MMD2: variants seen among roughly 807,000 people sequenced by gnomAD.
MMD2 encodes monocyte to macrophage differentiation factor 2.
Under a neutral mutation model 33.5 loss-of-function variants are expected in MMD2, and 30 were observed. The ratio of observed to expected loss-of-function variants is 0.90; its 90% CI spans 0.67 to 1.22. The LOEUF is 1.22. Ranked by LOEUF, MMD2 falls within the 50% of genes most tolerant of loss-of-function variation. MMD2 has a pLI of 0.00. For missense variants in MMD2, 364 were observed against 325.4 expected (o/e 1.12, Z -0.91); for synonymous variants, 129 against 123.0 (o/e 1.05, Z -0.32).
In MMD2 at chr7:4,940,007, G is replaced by A. The variant is rs113760480; in HGVS notation, c.48-14475C>T. 0.07 allele frequency among the ~76,000 whole-genome samples: 10,597 copies of A among 152,178 alleles called. 568 individuals are homozygous for A. Among genetic ancestry groups the A allele is most frequent in the African/African-American group, 0.13 (5,326 of 41,518 alleles). On this transcript the variant is annotated intron_variant, in intron 1 of 6. Transcript: ENST00000401401. This position sits in a 1 kb window ranked among gnomAD's most constrained non-coding sequence, Gnocchi z 5.0. ...TCCATCTGCCTTGGCCTCCCAAAGCGCTGGCATTACAGGCGTGAGCCACCG... is the reference window on the plus strand; with the variant it reads ...TCCATCTGCCTTGGCCTCCCAAAGCACTGGCATTACAGGCGTGAGCCACCG...
the MMD2 span, among the ~76,000 whole-genome samples, chr7:4,892,687 C>CT: frequency 2.0e-5 from 3 of 151,668 alleles, no homozygotes; most frequent in Admixed American, 6.6e-5. Context: ...GTGTTGATTT[C>CT]TAGGTGATAG....
the MMD2 span, among the ~76,000 whole-genome samples, chr7:4,894,569 C>T: frequency 2.6e-5 from 4 of 152,098 alleles, no homozygotes; most frequent in Non-Finnish European, 4.4e-5. The surrounding 1 kb of genome is among the most constrained non-coding windows in gnomAD (Gnocchi z 4.3). Context: ...GGCCAGGTAC[C>T]GGACATCTCA....
At chr7:4,958,828 G>T in intron 1 of MMD2, 143 bp downstream of exon 1, 1 of 706,892 alleles carries the variant, frequency 1.4e-6, no homozygotes, top group Non-Finnish European at 2.0e-6. Flanking sequence ...CTGGGTCCTG[G>T]TTTTCTCGGG....
chr7:4,921,075 G>A (rs1785271290), intron 2 of MMD2, among the ~76,000 whole-genome samples: 1 of 152,242 alleles, frequency 6.6e-6, no homozygotes, highest in South Asian at 2.1e-4. Context: ...GACAGTGCAG[G>A]TCTAGATCTT....
intron 1 of MMD2, among the ~76,000 whole-genome samples, chr7:4,936,383 G>T (rs1785742298): frequency 6.6e-6 from 1 of 152,140 alleles, no homozygotes; most frequent in South Asian, 2.1e-4. Context: ...CAGGGAGATT[G>T]GTGAGTTTGG....
At chr7:4,924,707 T>A (rs1444530479) in intron 2 of MMD2, among the ~76,000 whole-genome samples, 1 of 152,150 alleles carries the variant, frequency 6.6e-6, no homozygotes, top group Non-Finnish European at 1.5e-5. Flanking sequence ...TGGAAAGGGT[T>A]TCATAGGCAG....
the MMD2 span, among the ~76,000 whole-genome samples, chr7:4,897,227 TA>T: frequency 0.013 from 1,512 of 117,150 alleles, 18 homozygotes; most frequent in African/African-American, 0.031. Flanking sequence ...GTGTTATATT[TA>T]AAAAAAAAAA....
At chr7:4,951,388 C>T (rs73673225) in intron 1 of MMD2, among the ~76,000 whole-genome samples, 4,095 of 152,120 alleles carry the variant, frequency 0.027, 158 homozygotes, top group African/African-American at 0.089. Flanking sequence ...ATCCTCTCCA[C>T]GCCCAGCCTG....
chr7:4,893,364 TTTTATTTATTTA>T, the MMD2 span, among the ~76,000 whole-genome samples: 68 of 143,050 alleles, frequency 4.8e-4, no homozygotes, highest in East Asian at 2.9e-3. Context: ...TGGTTATTTC[TTTTATTTATTTA>T]TTTATTTATT....
chr7:4,916,352 T>A (rs1231074428), intron 3 of MMD2, among the ~76,000 whole-genome samples: 2 of 148,482 alleles, frequency 1.3e-5, no homozygotes, highest in African/African-American at 5.0e-5. Flanking sequence ...CAGGTAAGGA[T>A]TGAACATCCT....
rs1187346510 is a variant in MMD2 at position 4,946,741 on chromosome 7, T to A, written c.47+12230A>T. Among the ~76,000 whole-genome samples, 1 of 152,180 alleles carries A rather than the reference T, an allele frequency of 6.6e-6. No homozygotes were observed. Among genetic ancestry groups the A allele is most frequent in the African/African-American group, 2.4e-5 (1 of 41,448 alleles). ...TAATCCTCCTGGCCTTTCTTCCTTC[T>A]TATTTTTAGAGACAGGGTCTGGTTC... On this transcript the variant is annotated intron_variant, in intron 1 of 6. Transcript: ENST00000401401. This position sits in a 1 kb window ranked among gnomAD's most constrained non-coding sequence, Gnocchi z 5.0.
rs943730132 is a variant in MMD2, at chr7:4,946,141, G to T, written c.47+12830C>A. On this transcript the variant is annotated intron_variant, in intron 1 of 6. Transcript: ENST00000401401. The surrounding 1 kb of genome is among the most constrained non-coding windows in gnomAD (Gnocchi z 5.0). ...CGCACGCACACACCTGCACACGCAC[G>T]CACACCCACACCCGCGCGCACACCT... 1.4e-4 allele frequency among the ~76,000 whole-genome samples: 20 copies of T among 147,100 alleles called. No individual in the cohort carries two copies. Among genetic ancestry groups the T allele is most frequent in the African/African-American group, 5.1e-4 (20 of 39,510 alleles).
chr7:4,903,752 G>A (rs1320822648), downstream of MMD2, among the ~76,000 whole-genome samples: 1 of 152,208 alleles, frequency 6.6e-6, no homozygotes, highest in Non-Finnish European at 1.5e-5. Context: ...CCCTGGCAGT[G>A]CCCACTGAGC....
At chr7:4,929,455 C>T (rs565930429) in intron 1 of MMD2, among the ~76,000 whole-genome samples, 67 of 152,240 alleles carry the variant, frequency 4.4e-4, no homozygotes, top group Non-Finnish European at 6.6e-4. Flanking sequence ...CCACCTTCCT[C>T]AAGGTGGGCC....
intron 1 of MMD2, among the ~76,000 whole-genome samples, chr7:4,948,066 T>G (rs985933867): frequency 6.6e-6 from 1 of 152,074 alleles, no homozygotes; most frequent in Admixed American, 6.6e-5. Flanking sequence ...GGGATACTGC[T>G]AAACCATTCA....
intron 2 of MMD2, 73 bp from the exon 3 acceptor site, chr7:4,920,404 G>T (rs939042001): frequency 2.7e-6 from 4 of 1,505,776 alleles, no homozygotes; most frequent in Non-Finnish European, 3.6e-6. Flanking sequence ...CCCCTTCCCC[G>T]GCTGAGCTGC....
At chr7:4,903,954 C>T (rs928837966), downstream of MMD2, among the ~76,000 whole-genome samples, 2 of 151,866 alleles carry the variant, frequency 1.3e-5, no homozygotes, top group Non-Finnish European at 2.9e-5. Flanking sequence ...TTTTTTGAGA[C>T]GGAGTTTCGC....
At chr7:4,899,198 T>A in the MMD2 span, among the ~76,000 whole-genome samples, 3 of 152,132 alleles carry the variant, frequency 2.0e-5, no homozygotes, top group African/African-American at 7.2e-5. Context: ...TCCTTGTTCT[T>A]GGACTTCTCA....
At chr7:4,924,300 G>A (rs925347536) in intron 2 of MMD2, among the ~76,000 whole-genome samples, 21 of 152,248 alleles carry the variant, frequency 1.4e-4, no homozygotes, top group African/African-American at 4.3e-4. Flanking sequence ...CTATGACACC[G>A]GTGGCCCATT....
Sources: allele counts gnomAD v4.1 joint callset (sites outside exome capture counted in the v4.1 genomes callset), GRCh38; gene constraint gnomAD v4.1.1; non-coding constraint Gnocchi (gnomAD v3.1); transcripts MANE v1.5; gene names NCBI Gene and HGNC (gene_info 2026-07-23, HGNC 2026-07-21).